The following AGBL4 variants were observed in gnomAD, a reference collection of about 807,000 sequenced individuals.
The protein encoded by AGBL4 is cytosolic carboxypeptidase 6.
AGBL4 carries 58 observed loss-of-function variants against 66.4 expected under a neutral mutation model. That is an observed-to-expected ratio of 0.87 (90% confidence interval 0.71 to 1.09). The LOEUF (loss-of-function observed/expected upper bound fraction) is 1.09, where lower values mean the gene tolerates loss of function less well. Among genes scored for constraint, AGBL4 ranks in the 50% least tolerant of loss-of-function variants. The pLI, the probability that AGBL4 is intolerant of heterozygous loss-of-function variation, is 0.00. For synonymous variants in AGBL4, 234 were observed against 222.9 expected, an observed-to-expected ratio of 1.05 and a Z score of -0.44; for missense variants, 579 against 631.0, an observed-to-expected ratio of 0.92 and a Z score of 0.88.
At chr1:49,890,504 T>G (rs1418258764) in intron 1 of AGBL4, among the ~76,000 whole-genome samples, 22 of 152,300 alleles carry the variant, frequency 1.4e-4, no homozygotes, top group Non-Finnish European at 5.9e-5. Context: ...GAATTTATAT[T>G]CTGGTTGGAG....
At chr1:49,814,894 ATAG>A (rs1162435512) in intron 2 of AGBL4, among the ~76,000 whole-genome samples, 4 of 152,162 alleles carry the variant, frequency 2.6e-5, no homozygotes, top group African/African-American at 4.8e-5. Flanking sequence ...TTGTGGGAAC[ATAG>A]TAGGTGTATA....
At chr1:49,768,359 G>A (rs1643954395) in intron 2 of AGBL4, among the ~76,000 whole-genome samples, 1 of 152,066 alleles carries the variant, frequency 6.6e-6, no homozygotes, top group Admixed American at 6.5e-5. Context: ...TGGGATGCAG[G>A]GTTGGATCAA....
At chr1:49,917,771 C>G (rs1651716424) in intron 1 of AGBL4, among the ~76,000 whole-genome samples, 1 of 152,204 alleles carries the variant, frequency 6.6e-6, no homozygotes, top group African/African-American at 2.4e-5. Context: ...CACAAATCAA[C>G]AGAATATACA....
chr1:48,923,970 C>A (rs925749652), intron 5 of AGBL4, among the ~76,000 whole-genome samples: 6 of 152,050 alleles, frequency 3.9e-5, no homozygotes, highest in African/African-American at 1.4e-4. Flanking sequence ...AGATCTGGCC[C>A]AAAGGGACCC....
In AGBL4 at chr1:49,284,634, C is replaced by T. The variant is rs189047527; in HGVS notation, c.283-38770G>A. ...TGCTGTATTCTGGAAACCCATCTCA[C>T]GTGCAGAGACACACATAGGGTCAAA... On this transcript the variant is annotated intron_variant, in intron 3 of 13. Coordinates refer to ENST00000371839, the MANE Select transcript of AGBL4 (RefSeq NM_032785.4). Among the ~76,000 whole-genome samples, 1,284 of 152,290 alleles carry T rather than the reference C, an allele frequency of 8.4e-3. 7 individuals carry two copies. The highest frequency in any genetic ancestry group is 0.014 in the Non-Finnish European group (920 of 68,030).
chr1:49,683,132 T>C (rs1232176777), intron 3 of AGBL4, among the ~76,000 whole-genome samples: 1 of 152,084 alleles, frequency 6.6e-6, no homozygotes, highest in East Asian at 1.9e-4. Flanking sequence ...AGGTGCATTT[T>C]CAATTAAAAA....
At chr1:49,425,098 A>T (rs929080325) in intron 3 of AGBL4, among the ~76,000 whole-genome samples, 3 of 152,204 alleles carry the variant, frequency 2.0e-5, no homozygotes, top group Non-Finnish European at 4.4e-5. Context: ...TGTCAACAAA[A>T]AGAATCGAAG....
intron 4 of AGBL4, among the ~76,000 whole-genome samples, chr1:49,092,662 T>A (rs1206950724): frequency 6.6e-6 from 1 of 152,166 alleles, no homozygotes; most frequent in Non-Finnish European, 1.5e-5. Flanking sequence ...CAGACTATCT[T>A]GGAATTTTCT....
At chr1:49,179,411 T>C (rs968764983) in intron 4 of AGBL4, among the ~76,000 whole-genome samples, 1 of 152,126 alleles carries the variant, frequency 6.6e-6, no homozygotes, top group Non-Finnish European at 1.5e-5. Context: ...TTTGTTTGTC[T>C]CCCCTACTGG....
chr1:49,301,055 C>T lies in AGBL4; in HGVS notation c.283-55191G>A, dbSNP rs1644736284. 2.0e-5 allele frequency among the ~76,000 whole-genome samples: 3 copies of T among 152,156 alleles called. No homozygotes were observed. The South Asian group carries it at 6.2e-4, about 32-fold the overall frequency. On this transcript the variant is annotated intron_variant, in intron 3 of 13. Transcript: ENST00000371839. ...GACAAGGAGCATGTCTTGTTTGTGGCATATAATATGTGCTAACATAATGTT... is the reference window on the plus strand; with the variant it reads ...GACAAGGAGCATGTCTTGTTTGTGGTATATAATATGTGCTAACATAATGTT...
intron 4 of AGBL4, among the ~76,000 whole-genome samples, chr1:49,173,979 A>T (rs1646785750): frequency 6.6e-6 from 1 of 152,180 alleles, no homozygotes; most frequent in Non-Finnish European, 1.5e-5. Flanking sequence ...TCAACATTGG[A>T]AATAATTGGT....
At chr1:49,631,733 G>C (rs1399700021) in intron 3 of AGBL4, among the ~76,000 whole-genome samples, 1 of 152,158 alleles carries the variant, frequency 6.6e-6, no homozygotes, top group Non-Finnish European at 1.5e-5. Context: ...AGACCACAAA[G>C]CACCATATCT....
chr1:48,524,440 T>A, the AGBL4 span, among the ~76,000 whole-genome samples: 2 of 152,206 alleles, frequency 1.3e-5, no homozygotes, highest in African/African-American at 4.8e-5. Flanking sequence ...CCAGAGGGAC[T>A]GGCTTGGCTG....
At chr1:49,149,703 C>T (rs1329305330) in intron 4 of AGBL4, among the ~76,000 whole-genome samples, 1 of 152,146 alleles carries the variant, frequency 6.6e-6, no homozygotes, top group Non-Finnish European at 1.5e-5. Flanking sequence ...ACCATGAATG[C>T]TGAAGCATCA....
intron 6 of AGBL4, among the ~76,000 whole-genome samples, chr1:48,765,302 G>A (rs937074008): frequency 2.0e-5 from 3 of 152,166 alleles, no homozygotes; most frequent in Non-Finnish European, 4.4e-5. Flanking sequence ...CTACACCAAT[G>A]AGTATATGAA....
At chr1:48,787,586 T>C (rs1156662099) in intron 6 of AGBL4, among the ~76,000 whole-genome samples, 1 of 152,202 alleles carries the variant, frequency 6.6e-6, no homozygotes. Flanking sequence ...ATATACAACA[T>C]ACAATACATT....
chr1:48,958,603 G>GTC (rs1169590575), intron 5 of AGBL4, among the ~76,000 whole-genome samples: 1 of 152,210 alleles, frequency 6.6e-6, no homozygotes, highest in East Asian at 1.9e-4. Context: ...CCTGGTCTTG[G>GTC]TCTCCCACAT....
rs567239255 is a variant in AGBL4 at position 49,880,573 on chromosome 1, C to A, written c.35-29055G>T. ...CACTGCTCTCTTCAAAGCTGTCAGA[C>A]AGGGACATTTAAGTCTGCAGAGGTT... On this transcript the variant is annotated intron_variant, in intron 1 of 13. Transcript: ENST00000371839. Among the ~76,000 whole-genome samples the A allele has an allele frequency of 2.2e-3, 340 of 151,472 alleles. 1 individual carries two copies. Among genetic ancestry groups the A allele is most frequent in the African/African-American group, 7.8e-3 (325 of 41,428 alleles).
At chr1:48,947,614 T>C (rs1215005614) in intron 5 of AGBL4, among the ~76,000 whole-genome samples, 1 of 152,148 alleles carries the variant, frequency 6.6e-6, no homozygotes, top group African/African-American at 2.4e-5. Flanking sequence ...ATTTGTAAAA[T>C]GAAAGAAAAA....
Sources: allele counts gnomAD v4.1 joint callset (sites outside exome capture counted in the v4.1 genomes callset), GRCh38; gene constraint gnomAD v4.1.1; transcripts MANE v1.5; gene names NCBI Gene and HGNC (gene_info 2026-07-23, HGNC 2026-07-21).